The following HTT variants were observed in gnomAD, a reference collection of about 807,000 sequenced individuals.
HTT encodes the protein huntington disease protein.
In HTT, 104 loss-of-function variants were observed where a neutral mutation model predicts 362.3. The ratio of observed to expected loss-of-function variants is 0.29; its 90% CI spans 0.24 to 0.34. The LOEUF is 0.34. Ranked by LOEUF, HTT falls within the 10% of genes least tolerant of loss-of-function variation. The pLI is 1.00. For missense variants in HTT, 3,301 were observed against 3,928.6 expected (o/e 0.84, Z 4.27); for synonymous variants, 1,577 against 1,548.7 (o/e 1.02, Z -0.43).
At chr4:3,138,140 CTCCCTT>C (rs1014278227) in intron 21 of HTT, among the ~76,000 whole-genome samples, 8 of 149,648 alleles carry the variant, frequency 5.3e-5, no homozygotes, top group South Asian at 2.1e-4. Flanking sequence ...CTACTTCCCT[CTCCCTT>C]TCCCTTTCCC....
intron 2 of HTT, among the ~76,000 whole-genome samples, chr4:3,098,646 A>G (rs1713991537): frequency 6.6e-6 from 1 of 152,232 alleles, no homozygotes; most frequent in South Asian, 2.1e-4. Flanking sequence ...TAGTTTACAA[A>G]TAGTAAACAA....
chr4:3,162,258 C>T (rs915431859), intron 29 of HTT, among the ~76,000 whole-genome samples: 11 of 152,222 alleles, frequency 7.2e-5, no homozygotes, highest in African/African-American at 2.6e-4. Flanking sequence ...TTTCTGAGGC[C>T]TCTGTTCTGT....
intron 29 of HTT, among the ~76,000 whole-genome samples, chr4:3,167,812 T>A (rs1260667271): frequency 6.6e-6 from 1 of 152,232 alleles, no homozygotes; most frequent in Non-Finnish European, 1.5e-5. Flanking sequence ...TCTGAAAATT[T>A]TTACATTTGG....
At chr4:3,193,720 G>A (rs940240604) in intron 40 of HTT, among the ~76,000 whole-genome samples, 4 of 152,200 alleles carry the variant, frequency 2.6e-5, no homozygotes, top group Admixed American at 2.6e-4. Flanking sequence ...AATGTGGCTG[G>A]TCTGATTGGA....
intron 47 of HTT, among the ~76,000 whole-genome samples, chr4:3,210,397 A>G (rs975781170): frequency 1.3e-5 from 2 of 152,238 alleles, no homozygotes; most frequent in Non-Finnish European, 2.9e-5. Context: ...CGTGACGTCA[A>G]TAACTTGTTT....
chr4:3,239,789 G>T (rs1262817825), intron 66 of HTT, 57 bp from the exon 67 acceptor site: 2 of 1,332,748 alleles, frequency 1.5e-6, no homozygotes, highest in Non-Finnish European at 2.1e-6. Context: ...CCCAGGTGAG[G>T]ACAGGGAGGC....
chr4:3,240,179 G>T lies in HTT; in HGVS notation c.*120G>T. The T allele has an allele frequency of 2.5e-6, 2 of 790,068 alleles. No homozygotes were observed. The highest frequency in any genetic ancestry group is 4.9e-5 in the Admixed American group (2 of 40,688). The allele number at this position is 790,068 out of a possible 1,614,324, so 48.9% of individuals were successfully genotyped here. A position where few individuals can be genotyped will look rare whatever the true frequency, so the allele number is the denominator to read the frequency against. ...CCCTATGGGCTTCCGCACATGCCGCGGGCGGCCAGGCAACGTGCGTGTCTC... is the reference window on the plus strand; with the variant it reads ...CCCTATGGGCTTCCGCACATGCCGCTGGCGGCCAGGCAACGTGCGTGTCTC... On this transcript the variant is annotated 3_prime_UTR_variant, in exon 67 of 67. Coordinates refer to ENST00000355072, the MANE Select transcript of HTT (RefSeq NM_001388492.1).
At chr4:3,185,435 AGTGTTGT>A (rs1425495717) in intron 37 of HTT, among the ~76,000 whole-genome samples, 3 of 152,158 alleles carry the variant, frequency 2.0e-5, no homozygotes, top group Non-Finnish European at 4.4e-5. Context: ...AGATGTGGCC[AGTGTTGT>A]GAGCTTCACA....
At chr4:3,148,563 C>T (rs1192038348) in intron 26 of HTT, among the ~76,000 whole-genome samples, 4 of 151,794 alleles carry the variant, frequency 2.6e-5, no homozygotes, top group Non-Finnish European at 5.9e-5. Context: ...TTTGGGAGGC[C>T]GAGGTGGGCG....
chr4:3,189,841 A>G (rs1465104534), intron 40 of HTT, among the ~76,000 whole-genome samples: 1 of 152,152 alleles, frequency 6.6e-6, no homozygotes, highest in East Asian at 1.9e-4. Flanking sequence ...CCTCAGCAAC[A>G]TGGTAGGACC....
At chr4:3,164,666 A>G (rs187477705) in intron 29 of HTT, among the ~76,000 whole-genome samples, 10 of 152,176 alleles carry the variant, frequency 6.6e-5, no homozygotes, top group South Asian at 4.2e-4. Context: ...TCCCTTTACC[A>G]TTATGTAATG....
intron 64 of HTT, among the ~76,000 whole-genome samples, chr4:3,236,459 C>G (rs1000649631): frequency 1.6e-4 from 24 of 152,178 alleles, no homozygotes; most frequent in Non-Finnish European, 2.9e-5. Flanking sequence ...TCAGGTGTAG[C>G]GTTGACCAGT....
chr4:3,122,778 C>A, intron 9 of HTT, 111 bp from the exon 10 acceptor site: 2 of 789,204 alleles, frequency 2.5e-6, no homozygotes. Flanking sequence ...TGTGGAAAAA[C>A]GTTCACATTT....
Position 3,236,008 on chromosome 4 carries a change from T to C in HTT, c.8786-141T>C, listed in dbSNP as rs1004630542. 19 of 748,168 alleles carry C rather than the reference T, an allele frequency of 2.5e-5. No individual in the cohort carries two copies. In the African/African-American group the frequency reaches 2.8e-4, roughly 11 times the overall value. The allele number at this position is 748,168 out of a possible 1,614,324, so 46.3% of individuals were successfully genotyped here. Reference sequence around the variant, plus strand: ...CTCATCCCATGTGGCTGAGCTGGGCTGGGTCCTGGGCAAGCAAGGGGCTGA... The same window carrying C: ...CTCATCCCATGTGGCTGAGCTGGGCCGGGTCCTGGGCAAGCAAGGGGCTGA... On this transcript the variant is annotated intron_variant, in intron 63 of 66. Transcript: ENST00000355072.
At chr4:3,145,600 G>A (rs1477434820) in intron 24 of HTT, among the ~76,000 whole-genome samples, 1 of 152,224 alleles carries the variant, frequency 6.6e-6, no homozygotes. Context: ...ATACGAAATG[G>A]TGATGATTTA....
At chr4:3,189,674 G>A (rs1385669067) in intron 40 of HTT, among the ~76,000 whole-genome samples, 3 of 152,162 alleles carry the variant, frequency 2.0e-5, no homozygotes, top group South Asian at 2.1e-4. Context: ...AATGAATGGT[G>A]GTGATGGTTG....
Position 3,173,194 on chromosome 4 carries a change from T to G in HTT, c.4166+63T>G, listed in dbSNP as rs1264794501. The G allele has an allele frequency of 7.9e-6, 11 of 1,386,354 alleles. No homozygotes were observed. In the Admixed American group the frequency reaches 1.7e-4, roughly 21 times the overall value. 85.9% of individuals were successfully genotyped at this position (1,386,354 alleles called of 1,614,324 possible). On this transcript the variant is annotated intron_variant, in intron 31 of 66. Transcript: ENST00000355072. Reference sequence around the variant, plus strand: ...CACGAAAGAGCAAGCAGGAAATACTTTGTAAAAGAATAAAAACGAAAAATG... The same window carrying G: ...CACGAAAGAGCAAGCAGGAAATACTGTGTAAAAGAATAAAAACGAAAAATG...
rs771179201 is a variant in HTT, at chr4:3,220,255, T to G, written c.7316T>G (p.Phe2439Cys). ...GCATTCCCTGAGATCCCCGTGGAGT[T>G]CCTCCAGGAAAAGGAAGTCTTTAAG... ...GTAFPEIPVEFLQEKEVFKEF... is the reference protein window; with the variant it reads ...GTAFPEIPVECLQEKEVFKEF... Residue 2439 changes from phenylalanine (F) to cysteine (C), a missense_variant, in exon 53 of 67, where the codon TTC (phenylalanine) becomes TGC (cysteine). Transcript: ENST00000355072. The G allele has an allele frequency of 1.9e-6, 3 of 1,613,950 alleles. No homozygotes were observed. The highest frequency in any genetic ancestry group is 2.5e-6 in the Non-Finnish European group (3 of 1,179,978).
intron 19 of HTT, among the ~76,000 whole-genome samples, chr4:3,134,793 A>G (rs1715984282): frequency 1.3e-5 from 2 of 152,148 alleles, no homozygotes; most frequent in Non-Finnish European, 2.9e-5. Context: ...GCAGTAGCAC[A>G]ATCATAGCTC....
Sources: allele counts gnomAD v4.1 joint callset (sites outside exome capture counted in the v4.1 genomes callset), GRCh38; gene constraint gnomAD v4.1.1; transcripts MANE v1.5; gene names NCBI Gene and HGNC (gene_info 2026-07-23, HGNC 2026-07-21).